The following TRPM3 variants were observed in gnomAD, a reference collection of about 807,000 sequenced individuals.
The protein encoded by TRPM3 is transient receptor potential cation channel subfamily M member 3.
TRPM3 carries 77 observed loss-of-function variants against 181.2 expected under a neutral mutation model. That is an observed-to-expected ratio of 0.42 (90% confidence interval 0.35 to 0.51). The LOEUF (loss-of-function observed/expected upper bound fraction) is 0.51, where lower values mean the gene tolerates loss of function less well. Among genes scored for constraint, TRPM3 ranks in the 20% least tolerant of loss-of-function variants. The pLI, the probability that TRPM3 is intolerant of heterozygous loss-of-function variation, is 0.01. For missense variants in TRPM3, 1,759 were observed against 2,196.7 expected (o/e 0.80, Z 3.98); for synonymous variants, 745 against 796.4 (o/e 0.94, Z 1.09).
intron 1 of TRPM3, chr9:70,917,119 A>G (rs2096604368): frequency 2.5e-6 from 4 of 1,604,532 alleles, no homozygotes; most frequent in Non-Finnish European, 3.4e-6. Context: ...ACATTTCCAT[A>G]GGGGTTCGGA....
chr9:71,139,297 T>C (rs915179581), intron 1 of TRPM3, among the ~76,000 whole-genome samples: 4 of 152,210 alleles, frequency 2.6e-5, no homozygotes, highest in African/African-American at 9.6e-5. Flanking sequence ...TCAAGAGGTT[T>C]TCTCCTATGA....
chr9:71,088,634 A>G (rs2065679092), intron 1 of TRPM3, among the ~76,000 whole-genome samples: 1 of 152,086 alleles, frequency 6.6e-6, no homozygotes, highest in African/African-American at 2.4e-5. Flanking sequence ...GCCAATTGAC[A>G]TTACTAGGTA....
At chr9:71,031,936 C>T (rs1427471251) in intron 1 of TRPM3, among the ~76,000 whole-genome samples, 1 of 82,850 alleles carries the variant, frequency 1.2e-5, no homozygotes, top group Admixed American at 2.1e-4. Flanking sequence ...ATAAATCCAC[C>T]ATTAAGGTTA....
At chr9:71,297,583 T>A (rs1157417881) in intron 1 of TRPM3, among the ~76,000 whole-genome samples, 5 of 151,852 alleles carry the variant, frequency 3.3e-5, no homozygotes, top group Non-Finnish European at 7.4e-5. Flanking sequence ...AACCATCAGA[T>A]CTCATGAAAA....
intron 1 of TRPM3, among the ~76,000 whole-genome samples, chr9:71,129,287 G>A (rs2074232587): frequency 6.6e-6 from 1 of 152,126 alleles, no homozygotes; most frequent in Non-Finnish European, 1.5e-5. Context: ...TTCTCCTGAT[G>A]AGGCATAAAA....
intron 1 of TRPM3, among the ~76,000 whole-genome samples, chr9:71,070,054 T>C (rs603497): frequency 0.23 from 35,083 of 152,182 alleles, 4,776 homozygotes; most frequent in East Asian, 0.34. Flanking sequence ...TAATGAGTAT[T>C]GACCATGAAA....
At position 70,803,494 on chromosome 9, in the gene TRPM3, G is replaced by T. The variant is rs866287222; in HGVS notation, c.974-19215C>A. Reference sequence around the variant, plus strand: ...TGAGACGGAGTCTCGCTCAGCCTGGGCTGGAGTGCAGTGGTGCGATCTCGG... The same window carrying T: ...TGAGACGGAGTCTCGCTCAGCCTGGTCTGGAGTGCAGTGGTGCGATCTCGG... On this transcript the variant is annotated intron_variant, in intron 6 of 25. Transcript: ENST00000677713. 2.7e-5 allele frequency among the ~76,000 whole-genome samples: 4 copies of T among 147,276 alleles called. No individual in the cohort carries two copies. The East Asian group carries it at 7.8e-4, about 29-fold the overall frequency.
intron 5 of TRPM3, among the ~76,000 whole-genome samples, chr9:70,834,409 C>T (rs1291578013): frequency 6.6e-6 from 1 of 152,132 alleles, no homozygotes; most frequent in Non-Finnish European, 1.5e-5. Context: ...TGGGAAAAGG[C>T]TGTTGAGTTC....
rs958066560 is a variant in TRPM3 at position 71,178,873 on chromosome 9, A to G, written c.183+267780T>C. Among the ~76,000 whole-genome samples, 7 of 152,228 alleles carry G rather than the reference A, an allele frequency of 4.6e-5. No individual in the cohort carries two copies. In the South Asian group the frequency reaches 1.2e-3, roughly 27 times the overall value. ...CAGGCAGGGATGTTTCTCTTACTTC[A>G]GCGGAGTTTCTTCTATTAAGTAATT... On this transcript the variant is annotated intron_variant, in intron 1 of 24. Coordinates refer to the TRPM3 transcript ENST00000357533.
At chr9:70,856,927 G>T (rs1167925246) in intron 3 of TRPM3, among the ~76,000 whole-genome samples, 1 of 152,142 alleles carries the variant, frequency 6.6e-6, no homozygotes, top group Non-Finnish European at 1.5e-5. Flanking sequence ...ATAAGATTCT[G>T]TCTGTAATCA....
intron 1 of TRPM3, among the ~76,000 whole-genome samples, chr9:71,251,698 C>A (rs1055184344): frequency 1.3e-5 from 2 of 151,966 alleles, no homozygotes; most frequent in African/African-American, 4.8e-5. Flanking sequence ...AGTATTTATC[C>A]TTTTTGTTAC....
intron 6 of TRPM3, among the ~76,000 whole-genome samples, chr9:70,820,898 T>C (rs2093110907): frequency 6.6e-6 from 1 of 152,116 alleles, no homozygotes; most frequent in South Asian, 2.1e-4. Context: ...AGACAAAGAC[T>C]TCCTCTTCTC....
At chr9:71,099,602 G>A (rs918407556) in intron 1 of TRPM3, among the ~76,000 whole-genome samples, 5 of 152,046 alleles carry the variant, frequency 3.3e-5, no homozygotes, top group African/African-American at 1.2e-4. Context: ...TTTACCTTTA[G>A]ATGGGTTCCC....
intron 1 of TRPM3, chr9:70,868,886 C>G (rs1434966415): frequency 1.5e-6 from 1 of 674,186 alleles, no homozygotes; most frequent in Admixed American, 6.3e-5. Flanking sequence ...TGCCCTTTCC[C>G]TCCAAGCCTC....
chr9:70,796,355 T>G (rs185673714), intron 6 of TRPM3, among the ~76,000 whole-genome samples: 1 of 152,226 alleles, frequency 6.6e-6, no homozygotes, highest in African/African-American at 2.4e-5. Context: ...GTGGTATGCA[T>G]GTTAATTTGC....
At chr9:71,055,659 G>T (rs1298239160) in intron 1 of TRPM3, among the ~76,000 whole-genome samples, 2 of 151,968 alleles carry the variant, frequency 1.3e-5, no homozygotes, top group Non-Finnish European at 2.9e-5. Context: ...AAAGGAATTG[G>T]TGATGTAGAC....
chr9:70,846,795 A>G, intron 3 of TRPM3, among the ~76,000 whole-genome samples: 1 of 152,228 alleles, frequency 6.6e-6, no homozygotes, highest in Non-Finnish European at 1.5e-5. Flanking sequence ...TCTTGAAATT[A>G]TGATAATTCA....
chr9:71,194,995 C>T (rs1209468610), intron 1 of TRPM3, among the ~76,000 whole-genome samples: 2 of 151,830 alleles, frequency 1.3e-5, no homozygotes, highest in East Asian at 1.9e-4. Context: ...TAGCATCTCT[C>T]GTTTCATTAA....
intron 1 of TRPM3, among the ~76,000 whole-genome samples, chr9:71,326,466 G>A (rs556803690): frequency 2.6e-4 from 39 of 152,302 alleles, no homozygotes; most frequent in African/African-American, 9.1e-4. Flanking sequence ...GCAAATAATT[G>A]TATTAATCTC....
Sources: allele counts gnomAD v4.1 joint callset (sites outside exome capture counted in the v4.1 genomes callset), GRCh38; gene constraint gnomAD v4.1.1; transcripts MANE v1.5; gene names NCBI Gene and HGNC (gene_info 2026-07-23, HGNC 2026-07-21).